Variants in ESRRB observed in about 807,000 individuals in gnomAD.
ESRRB encodes the protein estrogen related receptor beta.
In ESRRB, 16 loss-of-function variants were observed where a neutral mutation model predicts 46.0. The ratio of observed to expected loss-of-function variants is 0.35; its 90% CI spans 0.24 to 0.53. The LOEUF is 0.53. Among genes scored for constraint, ESRRB ranks in the 20% least tolerant of loss-of-function variants. The pLI, the probability that ESRRB is intolerant of heterozygous loss-of-function variation, is 0.93. For synonymous variants in ESRRB, 246 were observed against 259.6 expected (o/e 0.95, Z 0.50); for missense variants, 488 against 607.4 (o/e 0.80, Z 2.07).
At chr14:76,341,534 C>T (rs1884192013) in intron 1 of ESRRB, among the ~76,000 whole-genome samples, 1 of 152,244 alleles carries the variant, frequency 6.6e-6, no homozygotes, top group Non-Finnish European at 1.5e-5. Flanking sequence ...GCCTTTAGTG[C>T]TCCTGGCCTC....
intron 1 of ESRRB, among the ~76,000 whole-genome samples, chr14:76,327,810 TCTC>T (rs1883953042): frequency 6.6e-6 from 1 of 152,040 alleles, no homozygotes; most frequent in African/African-American, 2.4e-5. Context: ...TTCAAGCAAT[TCTC>T]CTGTCTCAGC....
chr14:76,487,570 T>C (rs1446400972), intron 5 of ESRRB, among the ~76,000 whole-genome samples: 5 of 152,160 alleles, frequency 3.3e-5, no homozygotes, highest in Non-Finnish European at 7.3e-5. Flanking sequence ...TTTATCTCTA[T>C]GTCTTTATTC....
chr14:76,327,719 G>A (rs1161895216), intron 1 of ESRRB, among the ~76,000 whole-genome samples: 1 of 152,028 alleles, frequency 6.6e-6, no homozygotes, highest in Non-Finnish European at 1.5e-5. Flanking sequence ...TGTTGTTGCT[G>A]AGACAGAGTC....
upstream of ESRRB, among the ~76,000 whole-genome samples, chr14:76,368,048 G>A (rs1884546074): frequency 1.3e-5 from 2 of 149,858 alleles, no homozygotes; most frequent in African/African-American, 2.5e-5. Context: ...CTCCTCCTGG[G>A]TTCAAGTGAT....
chr14:76,332,536 T>C (rs1884026363), intron 1 of ESRRB, among the ~76,000 whole-genome samples: 1 of 90,858 alleles, frequency 1.1e-5, no homozygotes, highest in African/African-American at 4.3e-5. Context: ...ATATATACAA[T>C]ATAATATATA....
intron 1 of ESRRB, among the ~76,000 whole-genome samples, chr14:76,358,915 A>G (rs993619659): frequency 6.6e-6 from 1 of 152,232 alleles, no homozygotes; most frequent in Non-Finnish European, 1.5e-5. Flanking sequence ...TTGTGAAAAC[A>G]CAGATTGCTG....
intron 5 of ESRRB, among the ~76,000 whole-genome samples, chr14:76,489,755 GGAA>G (rs1890151825): frequency 6.6e-6 from 1 of 152,160 alleles, no homozygotes; most frequent in Non-Finnish European, 1.5e-5. Flanking sequence ...TGGAAGCCAG[GGAA>G]GAAGTGGCAT....
chr14:76,361,961 C>T (rs1884470033), intron 1 of ESRRB, among the ~76,000 whole-genome samples: 1 of 152,176 alleles, frequency 6.6e-6, no homozygotes, highest in Non-Finnish European at 1.5e-5. Flanking sequence ...GCCTTATGAG[C>T]TGTCACAGTA....
At chr14:76,397,275 G>C (rs912534618) in intron 1 of ESRRB, among the ~76,000 whole-genome samples, 3 of 152,198 alleles carry the variant, frequency 2.0e-5, no homozygotes, top group African/African-American at 7.2e-5. Context: ...GCCTCAGGAG[G>C]GGGCTTGTAG....
chr14:76,353,295 C>T (rs1298859335), intron 1 of ESRRB, among the ~76,000 whole-genome samples: 1 of 152,190 alleles, frequency 6.6e-6, no homozygotes, highest in Non-Finnish European at 1.5e-5. Context: ...CAGTCCCCAA[C>T]CCCACCACTT....
intron 1 of ESRRB, among the ~76,000 whole-genome samples, chr14:76,361,726 A>G (rs559248261): frequency 6.6e-6 from 1 of 152,304 alleles, no homozygotes; most frequent in South Asian, 2.1e-4. Flanking sequence ...GGCATCTCTC[A>G]TGGATGGTCC....
At chr14:76,361,725 C>T (rs1479517862) in intron 1 of ESRRB, among the ~76,000 whole-genome samples, 1 of 152,192 alleles carries the variant, frequency 6.6e-6, no homozygotes, top group Non-Finnish European at 1.5e-5. Context: ...GGGCATCTCT[C>T]ATGGATGGTC....
At position 76,439,448 on chromosome 14, in the gene ESRRB, A is replaced by C. The variant is rs1887819374; in HGVS notation, c.158A>C (p.His53Pro). The stretch of plus-strand genomic sequence containing the variant: ...TCCTCGGGCATCGATGCCCTCAGCC[A>C]CCACAGCCCCAGTGGCTCGTCCGAC... ...SPSSGIDALSHHSPSGSSDAS... is the reference protein window; with the variant it reads ...SPSSGIDALSPHSPSGSSDAS... Residue 53 changes from histidine (H) to proline (P), a missense_variant, in exon 2 of 7, where the codon CAC becomes CCC. Coordinates refer to ENST00000644823, the MANE Select transcript of ESRRB (RefSeq NM_001379180.1). 2 of 1,613,410 alleles carry C rather than the reference A, an allele frequency of 1.2e-6. No homozygotes were observed. The highest frequency in any genetic ancestry group is 1.7e-6 in the Non-Finnish European group (2 of 1,179,852).
At chr14:76,443,775 GT>G (rs1334704071) in intron 2 of ESRRB, among the ~76,000 whole-genome samples, 1 of 152,186 alleles carries the variant, frequency 6.6e-6, no homozygotes, top group Non-Finnish European at 1.5e-5. Flanking sequence ...GTCTGCGAAT[GT>G]TCTCAGCAAG....
intron 1 of ESRRB, among the ~76,000 whole-genome samples, chr14:76,412,100 T>A (rs1417608801): frequency 1.3e-5 from 2 of 152,198 alleles, no homozygotes; most frequent in Non-Finnish European, 2.9e-5. Flanking sequence ...CACTCACATT[T>A]ATTGAGAACC....
chr14:76,477,589 G>A (rs1889631806), intron 3 of ESRRB, among the ~76,000 whole-genome samples: 1 of 151,834 alleles, frequency 6.6e-6, no homozygotes, highest in African/African-American at 2.4e-5. Flanking sequence ...AAGGGACAGA[G>A]ATGGGCATGG....
chr14:76,346,709 C>T (rs564638254), intron 1 of ESRRB, among the ~76,000 whole-genome samples: 40 of 152,344 alleles, frequency 2.6e-4, no homozygotes, highest in Middle Eastern at 3.4e-3. Flanking sequence ...GCCCAGACCA[C>T]GGGAGCATCT....
intron 1 of ESRRB, among the ~76,000 whole-genome samples, chr14:76,311,471 A>G (rs1429555104): frequency 6.6e-6 from 1 of 152,158 alleles, no homozygotes; most frequent in Admixed American, 6.5e-5. Context: ...CCAGTTTTCT[A>G]TAGCACCTTA....
chr14:76,327,481 GATGATA>G lies in ESRRB; in HGVS notation c.2+16571_2+16576del, dbSNP rs1489002221. On this transcript the variant is annotated intron_variant, in intron 1 of 6. Coordinates refer to the ESRRB transcript ENST00000512784. ...CCCGGAAAGGTATTCAGCTTGTGAT[GATGATA>G]ATGATGATGATGATGATGATGATGA... Among the ~76,000 whole-genome samples the G allele has an allele frequency of 6.1e-5, 9 of 147,800 alleles. No individual in the cohort carries two copies. In the South Asian group the frequency reaches 1.3e-3, roughly 21 times the overall value.
Sources: gnomAD v4.1 joint callset for allele counts (sites outside exome capture counted in the v4.1 genomes callset) on GRCh38, gnomAD v4.1.1 for gene constraint, MANE v1.5 for transcripts, NCBI Gene and HGNC (gene_info 2026-07-23, HGNC 2026-07-21) for gene names.